The following SLC8A1 variants were observed in gnomAD, a reference collection of about 807,000 sequenced individuals.
SLC8A1 encodes solute carrier family 8 member A1.
SLC8A1 carries 18 observed loss-of-function variants against 68.3 expected under a neutral mutation model. The observed-to-expected ratio is 0.26, with a 90% CI of 0.18 to 0.39. SLC8A1 has a LOEUF of 0.39. Among genes scored for constraint, SLC8A1 ranks in the 10% least tolerant of loss-of-function variants. SLC8A1 has a pLI of 1.00. For synonymous variants in SLC8A1, 475 were observed against 415.5 expected (o/e 1.14, Z -1.74); for missense variants, 985 against 1,156.7 (o/e 0.85, Z 2.15).
chr2:40,431,159 C>T (rs1392398309), intron 1 of SLC8A1, among the ~76,000 whole-genome samples: 1 of 151,938 alleles, frequency 6.6e-6, no homozygotes. Context: ...TTTCTGCAGG[C>T]TGGAAAGGGA....
chr2:40,464,095 A>G (rs1703517894), intron 1 of SLC8A1, among the ~76,000 whole-genome samples: 1 of 152,010 alleles, frequency 6.6e-6, no homozygotes, highest in Non-Finnish European at 1.5e-5. Context: ...GGGTTTCACC[A>G]TATTGACTAG....
chr2:40,254,744 T>C (rs180750696), intron 2 of SLC8A1: 1 of 152,232 alleles, frequency 6.6e-6, no homozygotes, highest in South Asian at 2.1e-4. Flanking sequence ...CTCTGGAGAT[T>C]AACTTCTGCC....
rs114674507 is a variant in SLC8A1 at position 40,276,855 on chromosome 2, C to T, written c.1809-99000G>A. ...CAAAATGATTTACATTTGTTGTGGA[C>T]GCTGACAAGGCCCAACTTACATTCT... On this transcript the variant is annotated intron_variant, in intron 2 of 7. Coordinates refer to ENST00000406785, the Ensembl canonical transcript of SLC8A1. 5.9e-3 allele frequency among the ~76,000 whole-genome samples: 902 copies of T among 152,246 alleles called. 8 individuals are homozygous for T. Among genetic ancestry groups the T allele is most frequent in the African/African-American group, 0.02 (839 of 41,542 alleles).
chr2:40,418,117 T>C (rs753964313), intron 2 of SLC8A1, among the ~76,000 whole-genome samples: 2 of 152,162 alleles, frequency 1.3e-5, no homozygotes, highest in Non-Finnish European at 2.9e-5. Context: ...AATTCAAACC[T>C]ATAGAGGACA....
chr2:40,249,187 T>C (rs2062349022), intron 2 of SLC8A1, among the ~76,000 whole-genome samples: 1 of 152,198 alleles, frequency 6.6e-6, no homozygotes, highest in African/African-American at 2.4e-5. Context: ...AAATGTTTGA[T>C]GTTATATCTC....
intron 2 of SLC8A1, among the ~76,000 whole-genome samples, chr2:40,348,248 T>A (rs1211821936): frequency 1.3e-5 from 2 of 152,162 alleles, no homozygotes; most frequent in Non-Finnish European, 2.9e-5. Flanking sequence ...GCAAGTCATT[T>A]AATTGCTCTG....
chr2:40,287,166 G>A (rs1355893313), intron 2 of SLC8A1, among the ~76,000 whole-genome samples: 1 of 152,154 alleles, frequency 6.6e-6, no homozygotes, highest in African/African-American at 2.4e-5. Context: ...TTACCAGTCT[G>A]TCAGTAAATA....
At chr2:40,432,401 T>TTGTGTGTG (rs112824729) in intron 1 of SLC8A1, among the ~76,000 whole-genome samples, 8,801 of 128,722 alleles carry the variant, frequency 0.068, 522 homozygotes, top group African/African-American at 0.13. Flanking sequence ...GAGTGTGAGA[T>TTGTGTGTG]TGTGTGTGTG....
intron 2 of SLC8A1, among the ~76,000 whole-genome samples, chr2:40,226,117 C>T (rs1025800096): frequency 6.6e-6 from 1 of 152,064 alleles, no homozygotes; most frequent in African/African-American, 2.4e-5. Context: ...GGTTTTATTG[C>T]TTTTCCCCTA....
intron 2 of SLC8A1, among the ~76,000 whole-genome samples, chr2:40,343,498 C>G (rs1668335533): frequency 6.6e-6 from 1 of 152,198 alleles, no homozygotes. Context: ...TTGTAAGGCA[C>G]TGTTCTATTC....
intron 2 of SLC8A1, among the ~76,000 whole-genome samples, chr2:40,243,832 T>C (rs1398034282): frequency 1.3e-5 from 2 of 152,218 alleles, no homozygotes; most frequent in African/African-American, 2.4e-5. Flanking sequence ...AGGAATTCCA[T>C]GTGAATGCTC....
chr2:40,431,297 T>C (rs1396440058), intron 1 of SLC8A1, among the ~76,000 whole-genome samples: 1 of 152,068 alleles, frequency 6.6e-6, no homozygotes, highest in Non-Finnish European at 1.5e-5. Context: ...TACATATTAG[T>C]TCTGTCGAGG....
chr2:40,315,287 T>C (rs1238839886), intron 2 of SLC8A1, among the ~76,000 whole-genome samples: 4 of 151,912 alleles, frequency 2.6e-5, no homozygotes, highest in African/African-American at 9.7e-5. Flanking sequence ...AGTATGGTGG[T>C]TATCAATACA....
At chr2:40,212,156 G>C (rs1249568698) in intron 2 of SLC8A1, among the ~76,000 whole-genome samples, 3 of 151,874 alleles carry the variant, frequency 2.0e-5, no homozygotes, top group Admixed American at 1.3e-4. Context: ...ATATGGCCCA[G>C]AGAGAGAGAC....
At chr2:40,359,703 AATC>A (rs1673943770) in intron 2 of SLC8A1, among the ~76,000 whole-genome samples, 1 of 152,158 alleles carries the variant, frequency 6.6e-6, no homozygotes, top group Non-Finnish European at 1.5e-5. Context: ...AAAGGGCAGA[AATC>A]ATGTTGGGAA....
chr2:40,115,197 AT>A, exon 8 of SLC8A1: 2 of 1,205,794 alleles, frequency 1.7e-6, no homozygotes, highest in East Asian at 2.8e-5. Context: ...TCCATTATAC[AT>A]AATTTTTATG....
intron 1 of SLC8A1, among the ~76,000 whole-genome samples, chr2:40,470,741 T>C (rs1045698768): frequency 6.6e-6 from 1 of 152,036 alleles, no homozygotes. Flanking sequence ...AATAATCTTT[T>C]CTTTCTACTT....
At chr2:40,329,797 C>A (rs2149369208) in intron 2 of SLC8A1, among the ~76,000 whole-genome samples, 1 of 152,296 alleles carries the variant, frequency 6.6e-6, no homozygotes, top group East Asian at 1.9e-4. Flanking sequence ...AATCCCATCC[C>A]ACTGCATGTG....
intron 2 of SLC8A1, among the ~76,000 whole-genome samples, chr2:40,202,033 T>G (rs2054471304): frequency 6.6e-6 from 1 of 152,012 alleles, no homozygotes; most frequent in Admixed American, 6.6e-5. Flanking sequence ...TGCTGGTGTG[T>G]GTACACGTGG....
Sources: gnomAD v4.1 joint callset for allele counts (sites outside exome capture counted in the v4.1 genomes callset) on GRCh38, gnomAD v4.1.1 for gene constraint, MANE v1.5 for transcripts, NCBI Gene and HGNC (gene_info 2026-07-23, HGNC 2026-07-21) for gene names.